Variants in PAXIP1 observed in about 807,000 individuals in gnomAD.
The protein encoded by PAXIP1 is PAX interacting protein 1, also known as PAX-interacting protein 1.
Under a neutral mutation model 140.6 loss-of-function variants are expected in PAXIP1, and 19 were observed. The ratio of observed to expected loss-of-function variants is 0.14; its 90% confidence interval spans 0.09 to 0.20. PAXIP1 has a LOEUF of 0.20. PAXIP1 is among the 10% of genes least tolerant of loss of function. The pLI is 1.00. For synonymous variants in PAXIP1, 442 were observed against 444.6 expected (o/e 0.99, Z 0.07); for missense variants, 920 against 1,208.6 (o/e 0.76, Z 3.54).
chr7:154,945,578 A>C, intron 20 of PAXIP1: 2 of 985,182 alleles, frequency 2.0e-6, no homozygotes, highest in Non-Finnish European at 2.4e-6. Context: ...ACTGAGGTTG[A>C]CACTGGTCAG....
At chr7:155,000,936 G>A (rs1273254241) in intron 1 of PAXIP1, 1 of 152,156 alleles carries the variant, frequency 6.6e-6, no homozygotes, top group East Asian at 1.9e-4. Context: ...CACCCCAGTG[G>A]AGAAATCTGC....
chr7:155,003,003 C>T lies in PAXIP1; in HGVS notation c.-74G>A. 1.7e-6 allele frequency: 1 copy of T among 599,538 alleles called. No homozygotes were observed. Among genetic ancestry groups the T allele is most frequent in the South Asian group, 7.0e-5 (1 of 14,190 alleles). The allele number at this position is 599,538 out of a possible 1,614,324, so 37.1% of individuals were successfully genotyped here. A position where few individuals can be genotyped will look rare whatever the true frequency, so the allele number is the denominator to read the frequency against. On this transcript the variant is annotated 5_prime_UTR_variant, in exon 1 of 21. Transcript: ENST00000404141. ...CCCCCGCCCCCGGCCCCCGCGGCGC[C>T]CGGCGCCCCCACTCGCCCCGCCAAC...
chr7:154,997,916 T>C (rs1055740257), intron 2 of PAXIP1, among the ~76,000 whole-genome samples: 2 of 152,174 alleles, frequency 1.3e-5, no homozygotes, highest in Admixed American at 6.5e-5. Context: ...TGTCCTAGAG[T>C]TACCTCCCGA....
intron 16 of PAXIP1, chr7:154,948,903 C>T (rs1808133389): frequency 6.6e-6 from 1 of 152,138 alleles, no homozygotes; most frequent in Admixed American, 6.5e-5. Context: ...TAAAAGTATA[C>T]AGCAATTTAT....
chr7:154,996,971 C>A (rs1200713653), intron 2 of PAXIP1, among the ~76,000 whole-genome samples: 1 of 152,040 alleles, frequency 6.6e-6, no homozygotes, highest in Admixed American at 6.6e-5. Context: ...TATGCAAAGC[C>A]GCTTTACTGA....
At position 154,968,716 on chromosome 7, in the gene PAXIP1, A is replaced by C; in HGVS notation, c.1485T>G (p.His495Gln). 1 of 717,316 alleles carries C rather than the reference A, an allele frequency of 1.4e-6. No homozygotes were observed. The highest frequency in any genetic ancestry group is 1.5e-5 in the South Asian group (1 of 67,540). The allele number at this position is 717,316 out of a possible 1,614,324, so 44.4% of individuals were successfully genotyped here. Residue 495 changes from histidine to glutamine, a missense_variant, in exon 7 of 21, where the codon CAT (histidine) becomes CAG (glutamine). Physicochemically the swap from His to Gln is conservative, Grantham distance 24. This residue lies in a region of PAXIP1 where 133 missense variants were observed against 88.4 expected (regional missense o/e 1.50). Transcript: ENST00000404141. ...QQQLQPFQQQ[H>Q]ALQQQFHQLQ... ...GCTGATGGAACTGCTGCTGCAGGGC[A>C]TGCTGCTGCTGAAAGGGCTGGAGCT...
chr7:154,973,698 T>C lies in PAXIP1; in HGVS notation c.1074+1998A>G, dbSNP rs902150194. Among the ~76,000 whole-genome samples, 4 of 152,212 alleles carry C rather than the reference T, an allele frequency of 2.6e-5. No individual in the cohort carries two copies. Among genetic ancestry groups the C allele is most frequent in the Admixed American group, 6.5e-5 (1 of 15,286 alleles). ...CATTTCTAAACACTACGTAAACCACTGCTATTATCATACCCAATAAAATGA... is the reference window on the plus strand; with the variant it reads ...CATTTCTAAACACTACGTAAACCACCGCTATTATCATACCCAATAAAATGA... On this transcript the variant is annotated intron_variant, in intron 6 of 20. Coordinates refer to ENST00000404141, the MANE Select transcript of PAXIP1 (RefSeq NM_007349.4). The surrounding 1 kb of genome is among the most constrained non-coding windows in gnomAD (Gnocchi z 4.0).
intron 4 of PAXIP1, among the ~76,000 whole-genome samples, chr7:154,990,453 C>T (rs1322817829): frequency 2.0e-5 from 3 of 152,192 alleles, no homozygotes; most frequent in East Asian, 1.9e-4. Context: ...CCATTCCTGC[C>T]GGCAGGAAGC....
At position 154,994,283 on chromosome 7, in the gene PAXIP1, C is replaced by T. The variant is rs372911795; in HGVS notation, c.217-514G>A. On this transcript the variant is annotated intron_variant, in intron 2 of 20. Coordinates refer to ENST00000404141, the MANE Select transcript of PAXIP1 (RefSeq NM_007349.4). ...AATTATAAAACAGATTAATTACTAC[C>T]TTTCTGGGTAATTTATATTTTTGAA... Among the ~76,000 whole-genome samples the T allele has an allele frequency of 2.3e-3, 346 of 152,146 alleles. 2 individuals carry two copies. Among genetic ancestry groups the T allele is most frequent in the Middle Eastern group, 0.02 (6 of 294 alleles).
At chr7:154,993,660 T>C (rs1810449547) in intron 3 of PAXIP1, 66 bp downstream of exon 3, 1 of 1,183,298 alleles carries the variant, frequency 8.5e-7, no homozygotes. Context: ...CCATTAACTA[T>C]CATTTCTTTC....
chr7:155,003,077 C>T lies in PAXIP1; in HGVS notation c.-148G>A. 2 of 197,590 alleles carry T rather than the reference C, an allele frequency of 1.0e-5. No individual in the cohort carries two copies. The highest frequency in any genetic ancestry group is 1.8e-5 in the Non-Finnish European group (2 of 112,296). 12.2% of individuals were successfully genotyped at this position (197,590 alleles called of 1,614,324 possible). On this transcript the variant is annotated 5_prime_UTR_variant, in exon 1 of 21. Coordinates refer to ENST00000404141, the MANE Select transcript of PAXIP1 (RefSeq NM_007349.4). ...CCGGTCCTGCGAATCGGGGTCCGCT[C>T]CCCCGCCCTCCGCGCCCCCGCCCGC...
At chr7:154,953,869 G>C (rs1049094089) in intron 16 of PAXIP1, among the ~76,000 whole-genome samples, 3 of 152,054 alleles carry the variant, frequency 2.0e-5, no homozygotes, top group African/African-American at 7.2e-5. Context: ...TATATAAACT[G>C]ATATTCAAAG....
rs1327902143 is a variant in PAXIP1 at position 154,968,565 on chromosome 7, G to C, written c.1636C>G (p.Gln546Glu). 1 of 721,696 alleles carries C rather than the reference G, an allele frequency of 1.4e-6. No individual in the cohort carries two copies. Among genetic ancestry groups the C allele is most frequent in the South Asian group, 1.5e-5 (1 of 67,508 alleles). 44.7% of individuals were successfully genotyped at this position (721,696 alleles called of 1,614,324 possible). A position where few individuals can be genotyped will look rare whatever the true frequency, so the allele number is the denominator to read the frequency against. The stretch of plus-strand genomic sequence containing the variant: ...GCTGTCTGACTTTGCATCTGCTGCT[G>C]CTGCTGCTGCTGGTGCATGCGCTGG... ...QLQRMHQQQQ[Q>E]QQMQSQTAPH... Residue 546 changes from glutamine (Q) to glutamate (E), a missense_variant, in exon 7 of 21, where the codon CAG becomes GAG. By Grantham distance (29) the Gln-to-Glu change is conservative. Transcript: ENST00000404141.
rs1185835451 is a variant in PAXIP1 at position 154,998,679 on chromosome 7, G to A, written c.187C>T (p.Arg63Trp). 3.1e-6 allele frequency: 5 copies of A among 1,613,444 alleles called. No homozygotes were observed. Among genetic ancestry groups the A allele is most frequent in the African/African-American group, 1.3e-5 (1 of 74,988 alleles). The change falls in exon 2 of 21, where the codon CGG (arginine) becomes TGG (tryptophan). Residue 63 changes from arginine to tryptophan, a missense_variant. This residue lies in a region of PAXIP1 where 419 missense variants were observed against 514.7 expected (regional missense o/e 0.81). Transcript: ENST00000404141. ...DGDNPEVGEA[R>W]EVFDLPVVKP... ...ACAACAGGTAAGTCAAAGACTTCCC[G>A]AGCTTCTCCCACCTCTGGATTGTCC... is the stretch of plus-strand genomic sequence containing the variant.
intron 4 of PAXIP1, among the ~76,000 whole-genome samples, chr7:154,987,451 CTTCT>C (rs1403875128): frequency 3.3e-5 from 5 of 152,096 alleles, no homozygotes; most frequent in African/African-American, 1.2e-4. Context: ...TTTCAAGCTC[CTTCT>C]TTTTTTCCTC....
chr7:154,961,976 C>T (rs1161965607), intron 10 of PAXIP1, among the ~76,000 whole-genome samples: 1 of 152,240 alleles, frequency 6.6e-6, no homozygotes, highest in Non-Finnish European at 1.5e-5. Flanking sequence ...TCACTGATCC[C>T]AACGCTGAGA....
intron 8 of PAXIP1, chr7:154,964,021 G>C (rs961756781): frequency 1.2e-5 from 5 of 420,460 alleles, no homozygotes; most frequent in Admixed American, 3.6e-5. Flanking sequence ...GCACTCCAGG[G>C]CTTCTCAAGC....
chr7:154,963,918 G>A lies in PAXIP1; in HGVS notation c.1894-152C>T, dbSNP rs748811. 0.27 allele frequency: 166,481 copies of A among 617,222 alleles called. 24,863 individuals are homozygous for A. The highest frequency in any genetic ancestry group is 0.32 in the Middle Eastern group (740 of 2,308). The allele number at this position is 617,222 out of a possible 1,614,324, so 38.2% of individuals were successfully genotyped here. On this transcript the variant is annotated intron_variant, in intron 8 of 20. Transcript: ENST00000404141. This position sits in a 1 kb window ranked among gnomAD's most constrained non-coding sequence, Gnocchi z 4.1. ...AAGGACATGTAACAGTTCTATTTAC[G>A]GACTTTTCTACCCAGCACCATACAA...
chr7:154,981,867 C>G (rs1342465506), intron 5 of PAXIP1, among the ~76,000 whole-genome samples: 1 of 152,120 alleles, frequency 6.6e-6, no homozygotes, highest in Non-Finnish European at 1.5e-5. Flanking sequence ...AATATATACT[C>G]TATCCTAAAG....
Sources: allele counts gnomAD v4.1 joint callset (sites outside exome capture counted in the v4.1 genomes callset), GRCh38; gene constraint gnomAD v4.1.1; regional missense constraint gnomAD v4.1.1; non-coding constraint Gnocchi (gnomAD v3.1); transcripts MANE v1.5; gene names NCBI Gene and HGNC (gene_info 2026-07-23, HGNC 2026-07-21).